TMEM182: variants seen among roughly 807,000 people sequenced by gnomAD.
TMEM182 encodes the protein transmembrane protein 182.
TMEM182 carries 20 observed loss-of-function variants against 26.8 expected under a neutral mutation model. That is an observed-to-expected ratio of 0.75 (90% CI 0.53 to 1.09). TMEM182 has a LOEUF of 1.09. TMEM182 is among the 50% of genes least tolerant of loss of function. The pLI is 0.00. For synonymous variants in TMEM182, 109 were observed against 102.2 expected (o/e 1.07, Z -0.40); for missense variants, 277 against 275.5 (o/e 1.01, Z -0.04).
intron 1 of TMEM182, among the ~76,000 whole-genome samples, chr2:102,737,212 G>C (rs1288080881): frequency 1.3e-5 from 2 of 152,130 alleles, no homozygotes; most frequent in Non-Finnish European, 2.9e-5. Flanking sequence ...GACAGACCTA[G>C]GATACGTTAA....
intron 4 of TMEM182, among the ~76,000 whole-genome samples, chr2:102,811,338 G>C (rs374774782): frequency 5.9e-5 from 9 of 152,118 alleles, no homozygotes; most frequent in African/African-American, 2.2e-4. Flanking sequence ...ATATCAATTT[G>C]TCATGTCACT....
intron 1 of TMEM182, among the ~76,000 whole-genome samples, chr2:102,751,450 A>G (rs982418427): frequency 6.6e-6 from 1 of 152,144 alleles, no homozygotes; most frequent in Non-Finnish European, 1.5e-5. Context: ...CGCCATTTTG[A>G]ACATGCATAG....
intron 3 of TMEM182, among the ~76,000 whole-genome samples, chr2:102,786,575 T>C (rs1222555116): frequency 6.6e-6 from 1 of 152,208 alleles, no homozygotes; most frequent in Non-Finnish European, 1.5e-5. Context: ...AGCTCTTCTT[T>C]TTCCAAGGCC....
At chr2:102,756,450 G>A (rs1343803136) in intron 1 of TMEM182, among the ~76,000 whole-genome samples, 4 of 152,164 alleles carry the variant, frequency 2.6e-5, no homozygotes, top group Non-Finnish European at 5.9e-5. Flanking sequence ...GCTCACGCCT[G>A]TAATCCCAGC....
chr2:102,842,116 T>A (rs1268161808), intron 3 of TMEM182, among the ~76,000 whole-genome samples: 1 of 152,204 alleles, frequency 6.6e-6, no homozygotes, highest in Non-Finnish European at 1.5e-5. Context: ...TCTAGGAGGA[T>A]AATTCACTTG....
intron 3 of TMEM182, among the ~76,000 whole-genome samples, chr2:102,778,755 A>G (rs1172392372): frequency 6.6e-6 from 1 of 152,068 alleles, no homozygotes; most frequent in Non-Finnish European, 1.5e-5. Context: ...AAAGTGCAAA[A>G]CTTTACCTTC....
At chr2:102,759,550 C>T (rs1680146346), upstream of TMEM182, among the ~76,000 whole-genome samples, 1 of 152,144 alleles carries the variant, frequency 6.6e-6, no homozygotes, top group Non-Finnish European at 1.5e-5. Context: ...AAGATGTATT[C>T]CCCTCCCCTG....
At chr2:102,843,247 C>T (rs899342196) in intron 3 of TMEM182, among the ~76,000 whole-genome samples, 4 of 152,166 alleles carry the variant, frequency 2.6e-5, no homozygotes, top group African/African-American at 9.7e-5. Context: ...GAGTCAGTCC[C>T]TCTTACTAGC....
intron 3 of TMEM182, among the ~76,000 whole-genome samples, chr2:102,789,076 T>C (rs1343008961): frequency 6.6e-6 from 1 of 152,172 alleles, no homozygotes; most frequent in Non-Finnish European, 1.5e-5. Flanking sequence ...AGGCAACATA[T>C]GCTGGCGGCC....
At chr2:102,772,659 C>T (rs1257584123) in intron 3 of TMEM182, among the ~76,000 whole-genome samples, 1 of 152,156 alleles carries the variant, frequency 6.6e-6, no homozygotes, top group Non-Finnish European at 1.5e-5. Flanking sequence ...CACCTGGTGC[C>T]ATCACTTTGT....
At chr2:102,837,407 G>GA (rs1437938842) in intron 3 of TMEM182, among the ~76,000 whole-genome samples, 1 of 152,178 alleles carries the variant, frequency 6.6e-6, no homozygotes, top group Non-Finnish European at 1.5e-5. Flanking sequence ...ATTGAAGAAT[G>GA]ATTTGCTGTT....
chr2:102,812,384 TACACACACACACACACACAC>T (rs61175945), intron 4 of TMEM182, among the ~76,000 whole-genome samples: 11 of 143,326 alleles, frequency 7.7e-5, no homozygotes, highest in African/African-American at 2.3e-4. Context: ...TCTACACATG[TACACACACACACACACACAC>T]ACACACACAC....
At position 102,816,248 on chromosome 2, in the gene TMEM182, G is replaced by A. The variant is rs1682740851; in HGVS notation, c.*1280G>A. 7 of 985,394 alleles carry A rather than the reference G, an allele frequency of 7.1e-6. No homozygotes were observed. In the South Asian group the frequency reaches 3.3e-4, roughly 46 times the overall value. The allele number at this position is 985,394 out of a possible 1,614,324, so 61.0% of individuals were successfully genotyped here. On this transcript the variant is annotated 3_prime_UTR_variant, in exon 5 of 5. Coordinates refer to ENST00000412401, the MANE Select transcript of TMEM182 (RefSeq NM_144632.5). ...GAGCTCGGCAGGGTATGTGAGCTTTGTTGGAGGTGCGGTGTTTCATTCTGC... is the reference window on the plus strand; with the variant it reads ...GAGCTCGGCAGGGTATGTGAGCTTTATTGGAGGTGCGGTGTTTCATTCTGC...
chr2:102,741,270 A>G (rs931372890), intron 1 of TMEM182, among the ~76,000 whole-genome samples: 3 of 152,262 alleles, frequency 2.0e-5, no homozygotes, highest in South Asian at 2.1e-4. Context: ...CTTGACCTAA[A>G]TGTGGCAGGC....
intron 2 of TMEM182, among the ~76,000 whole-genome samples, chr2:102,763,643 A>G (rs1310636029): frequency 2.6e-5 from 4 of 152,194 alleles, no homozygotes; most frequent in Admixed American, 6.5e-5. Flanking sequence ...GGGCAGGAGA[A>G]TAAGCATACA....
intron 1 of TMEM182, among the ~76,000 whole-genome samples, chr2:102,752,215 C>T (rs1679893898): frequency 6.6e-6 from 1 of 152,078 alleles, no homozygotes; most frequent in African/African-American, 2.4e-5. Context: ...ATGCTTATTG[C>T]AGTGGATGAT....
chr2:102,843,228 A>G (rs1044518041), intron 3 of TMEM182, among the ~76,000 whole-genome samples: 3 of 152,138 alleles, frequency 2.0e-5, no homozygotes, highest in Admixed American at 1.3e-4. Context: ...TTTTTATTCA[A>G]GTCACTTAGA....
intron 3 of TMEM182, among the ~76,000 whole-genome samples, chr2:102,769,315 T>G (rs543297018): frequency 6.6e-6 from 1 of 152,130 alleles, no homozygotes; most frequent in Admixed American, 6.5e-5. Flanking sequence ...AGAATATAAT[T>G]GATATGTGAG....
At chr2:102,817,799 G>C, downstream of TMEM182, 2 of 775,932 alleles carry the variant, frequency 2.6e-6, no homozygotes, top group East Asian at 1.3e-4. Flanking sequence ...TGGGTAGAAA[G>C]AGATACATTG....
Sources: allele counts gnomAD v4.1 joint callset (sites outside exome capture counted in the v4.1 genomes callset), GRCh38; gene constraint gnomAD v4.1.1; transcripts MANE v1.5; gene names NCBI Gene and HGNC (gene_info 2026-07-23, HGNC 2026-07-21).